Variants in EFNA5 observed in about 807,000 individuals in gnomAD.
EFNA5 encodes the protein ephrin-A5.
A neutral mutation model predicts 22.9 loss-of-function variants in EFNA5; 5 were observed. The ratio of observed to expected loss-of-function variants is 0.22; its 90% confidence interval spans 0.11 to 0.46. The LOEUF (loss-of-function observed/expected upper bound fraction) is 0.46. Among genes scored for constraint, EFNA5 ranks in the 20% least tolerant of loss-of-function variants. The pLI is 0.99. For synonymous variants in EFNA5, 113 were observed against 112.2 expected (o/e 1.01, Z -0.04); for missense variants, 237 against 293.3 (o/e 0.81, Z 1.40).
chr5:107,496,164 T>TAAAAAA (rs35565454), intron 1 of EFNA5, among the ~76,000 whole-genome samples: 1 of 93,196 alleles, frequency 1.1e-5, no homozygotes. Context: ...CTGTCTCTGC[T>TAAAAAA]AAAAAAAAAA....
At chr5:107,383,687 C>A (rs1299010001) in intron 4 of EFNA5, among the ~76,000 whole-genome samples, 1 of 152,306 alleles carries the variant, frequency 6.6e-6, no homozygotes, top group South Asian at 2.1e-4. Context: ...GTTAAAGGTA[C>A]CCAGCTAGCA....
In EFNA5 at chr5:107,560,680, C is replaced by T. The variant is rs546839616; in HGVS notation, c.125+109809G>A. Among the ~76,000 whole-genome samples the T allele has an allele frequency of 2.2e-4, 33 of 152,298 alleles. No individual in the cohort carries two copies. In the South Asian group the frequency reaches 5.6e-3, roughly 26 times the overall value. ...GGCTTAACGTTGTGGTTATCAGATT[C>T]TTTATCTCTCAAAAAGGGGATGGAT... On this transcript the variant is annotated intron_variant, in intron 1 of 4. Transcript: ENST00000333274.
chr5:107,612,871 A>C (rs910333334), intron 1 of EFNA5, among the ~76,000 whole-genome samples: 1 of 152,178 alleles, frequency 6.6e-6, no homozygotes, highest in African/African-American at 2.4e-5. Context: ...ATCCTCTTAG[A>C]TGAATGAAAG....
chr5:107,622,960 G>C (rs1337379591), intron 1 of EFNA5, among the ~76,000 whole-genome samples: 3 of 139,070 alleles, frequency 2.2e-5, no homozygotes, highest in African/African-American at 8.0e-5. Flanking sequence ...AGCGGAGCTT[G>C]CAGTGAGCCG....
chr5:107,640,610 C>T (rs1261087980), intron 1 of EFNA5, among the ~76,000 whole-genome samples: 1 of 152,154 alleles, frequency 6.6e-6, no homozygotes, highest in East Asian at 1.9e-4. Flanking sequence ...GTAACAAGAA[C>T]ACAGAAAACA....
chr5:107,514,479 G>A (rs920521626), intron 1 of EFNA5, among the ~76,000 whole-genome samples: 4 of 152,176 alleles, frequency 2.6e-5, no homozygotes, highest in Non-Finnish European at 2.9e-5. Flanking sequence ...CACCTGGAAC[G>A]TGAGTCATTT....
At chr5:107,454,163 A>G (rs1749631602) in intron 1 of EFNA5, among the ~76,000 whole-genome samples, 1 of 152,190 alleles carries the variant, frequency 6.6e-6, no homozygotes, top group Non-Finnish European at 1.5e-5. Flanking sequence ...CAGGCTTTCC[A>G]AAAGTCCAAA....
At chr5:107,605,678 T>C (rs1191767205) in intron 1 of EFNA5, among the ~76,000 whole-genome samples, 1 of 152,012 alleles carries the variant, frequency 6.6e-6, no homozygotes, top group Non-Finnish European at 1.5e-5. Flanking sequence ...CGTTGATCCA[T>C]ATGTATTTCA....
chr5:107,537,557 C>T (rs181858039), intron 1 of EFNA5, among the ~76,000 whole-genome samples: 1 of 152,296 alleles, frequency 6.6e-6, no homozygotes, highest in Non-Finnish European at 1.5e-5. Flanking sequence ...TGAGATCGTA[C>T]CATTGCACTC....
At chr5:107,467,886 A>C (rs1750034172) in intron 1 of EFNA5, among the ~76,000 whole-genome samples, 1 of 152,200 alleles carries the variant, frequency 6.6e-6, no homozygotes, top group Non-Finnish European at 1.5e-5. Context: ...GAGGTAACAA[A>C]CATAGGCTAC....
chr5:107,594,757 T>C (rs546253926), intron 1 of EFNA5, among the ~76,000 whole-genome samples: 2 of 152,268 alleles, frequency 1.3e-5, no homozygotes, highest in South Asian at 2.1e-4. Flanking sequence ...CCTGGGGAAA[T>C]GGGAGCCCCC....
intron 1 of EFNA5, among the ~76,000 whole-genome samples, chr5:107,627,185 C>T (rs1580568027): frequency 6.6e-6 from 1 of 152,136 alleles, no homozygotes; most frequent in Admixed American, 6.5e-5. Context: ...ACTAAAAAAG[C>T]ACATTAGAGT....
intron 1 of EFNA5, among the ~76,000 whole-genome samples, chr5:107,466,135 G>A (rs1222732965): frequency 6.6e-6 from 1 of 152,120 alleles, no homozygotes; most frequent in South Asian, 2.1e-4. Context: ...TCCAAAGACG[G>A]TGCTCGAGTT....
chr5:107,627,101 T>G (rs1256379353), intron 1 of EFNA5, among the ~76,000 whole-genome samples: 1 of 152,350 alleles, frequency 6.6e-6, no homozygotes, highest in Admixed American at 6.5e-5. Context: ...AATCTTCTTC[T>G]CATAATATTT....
chr5:107,647,753 G>C (rs1220635399), intron 1 of EFNA5, among the ~76,000 whole-genome samples: 1 of 152,124 alleles, frequency 6.6e-6, no homozygotes, highest in African/African-American at 2.4e-5. Context: ...TAACCTCTAA[G>C]AGGACACATC....
intron 1 of EFNA5, among the ~76,000 whole-genome samples, chr5:107,647,173 T>C (rs1193890016): frequency 1.3e-5 from 2 of 152,188 alleles, no homozygotes; most frequent in Non-Finnish European, 2.9e-5. Flanking sequence ...TAAAATGATT[T>C]ATTTTGCATC....
intron 1 of EFNA5, among the ~76,000 whole-genome samples, chr5:107,519,731 A>C (rs902139039): frequency 1.2e-4 from 19 of 152,284 alleles, no homozygotes; most frequent in African/African-American, 4.3e-4. Context: ...GTCTAAAAAA[A>C]TATGCAACTG....
chr5:107,571,272 C>G (rs1330052093), intron 1 of EFNA5, among the ~76,000 whole-genome samples: 1 of 152,160 alleles, frequency 6.6e-6, no homozygotes, highest in Non-Finnish European at 1.5e-5. Context: ...TGTAATCCAA[C>G]CTGGGGCAGA....
At chr5:107,463,579 G>A (rs1749892935) in intron 1 of EFNA5, among the ~76,000 whole-genome samples, 1 of 152,100 alleles carries the variant, frequency 6.6e-6, no homozygotes, top group African/African-American at 2.4e-5. Flanking sequence ...AAGAAATTGT[G>A]ATACTTGGTA....
Sources: gnomAD v4.1 joint callset for allele counts (sites outside exome capture counted in the v4.1 genomes callset) on GRCh38, gnomAD v4.1.1 for gene constraint, MANE v1.5 for transcripts, NCBI Gene and HGNC (gene_info 2026-07-23, HGNC 2026-07-21) for gene names.